Variants in PRKCA observed in about 807,000 individuals in gnomAD.
PRKCA encodes the protein protein kinase C alpha, also known as protein kinase C alpha type.
PRKCA carries 27 observed loss-of-function variants against 87.0 expected under a neutral mutation model. The observed-to-expected ratio is 0.31, with a 90% CI of 0.23 to 0.43. PRKCA has a LOEUF of 0.43. Among genes scored for constraint, PRKCA ranks in the 20% least tolerant of loss-of-function variants. PRKCA has a pLI of 1.00. For synonymous variants in PRKCA, 329 were observed against 311.1 expected (o/e 1.06, Z -0.61); for missense variants, 518 against 852.3 (o/e 0.61, Z 4.88).
intron 2 of PRKCA, among the ~76,000 whole-genome samples, chr17:66,336,925 G>A (rs879280663): frequency 6.6e-6 from 1 of 151,738 alleles, no homozygotes; most frequent in Non-Finnish European, 1.5e-5. Flanking sequence ...AGTAGCTGGG[G>A]TTACAGGCGC....
chr17:66,560,752 C>T (rs1968653551), intron 3 of PRKCA, among the ~76,000 whole-genome samples: 1 of 152,230 alleles, frequency 6.6e-6, no homozygotes, highest in African/African-American at 2.4e-5. Context: ...GAACTTAAGA[C>T]TATTACCAGC....
chr17:66,559,623 T>A (rs1428195767), intron 3 of PRKCA, among the ~76,000 whole-genome samples: 1 of 139,126 alleles, frequency 7.2e-6, no homozygotes, highest in Non-Finnish European at 1.5e-5. Context: ...ATAAGGCAAA[T>A]TTTTTTTTTA....
intron 5 of PRKCA, among the ~76,000 whole-genome samples, chr17:66,660,259 TG>T (rs1486090353): frequency 6.6e-6 from 1 of 152,180 alleles, no homozygotes; most frequent in Non-Finnish European, 1.5e-5. Context: ...TGGGTCCGTT[TG>T]GTGGGGGTCC....
At chr17:66,593,556 G>A (rs1345110186) in intron 3 of PRKCA, among the ~76,000 whole-genome samples, 1 of 152,206 alleles carries the variant, frequency 6.6e-6, no homozygotes, top group Admixed American at 6.5e-5. Flanking sequence ...TGAAACTTGG[G>A]GGTGGAGGGA....
intron 2 of PRKCA, among the ~76,000 whole-genome samples, chr17:66,307,311 A>G (rs1904871549): frequency 6.6e-6 from 1 of 152,214 alleles, no homozygotes; most frequent in South Asian, 2.1e-4. Flanking sequence ...ACCAGTCTCT[A>G]CAAAAGATGA....
intron 13 of PRKCA, among the ~76,000 whole-genome samples, chr17:66,744,204 T>A (rs1400122609): frequency 6.6e-6 from 1 of 152,176 alleles, no homozygotes; most frequent in Non-Finnish European, 1.5e-5. Flanking sequence ...CTGCATAACT[T>A]ACTGGGATTT....
intron 2 of PRKCA, among the ~76,000 whole-genome samples, chr17:66,395,459 A>G (rs1436619253): frequency 6.6e-6 from 1 of 152,176 alleles, no homozygotes; most frequent in Non-Finnish European, 1.5e-5. Context: ...TGTATTTTAT[A>G]CTTAGAGCAC....
intron 3 of PRKCA, among the ~76,000 whole-genome samples, chr17:66,629,859 C>T (rs1222125958): frequency 6.6e-6 from 1 of 151,966 alleles, no homozygotes; most frequent in Non-Finnish European, 1.5e-5. Flanking sequence ...ACACACATAC[C>T]CTCCTATACA....
intron 2 of PRKCA, among the ~76,000 whole-genome samples, chr17:66,420,206 T>C (rs1209304350): frequency 6.6e-6 from 1 of 152,072 alleles, no homozygotes; most frequent in Non-Finnish European, 1.5e-5. Flanking sequence ...AGACGGAGTT[T>C]CACCATGTTG....
At chr17:66,381,422 G>A (rs1194050340) in intron 2 of PRKCA, among the ~76,000 whole-genome samples, 1 of 152,202 alleles carries the variant, frequency 6.6e-6, no homozygotes, top group Non-Finnish European at 1.5e-5. Flanking sequence ...AATCCACCTG[G>A]TGGAAGGTTC....
intron 3 of PRKCA, among the ~76,000 whole-genome samples, chr17:66,518,467 T>G (rs1398163868): frequency 2.6e-5 from 4 of 152,220 alleles, no homozygotes; most frequent in Non-Finnish European, 4.4e-5. Flanking sequence ...TTAATAGTTT[T>G]TAGCTTTTAA....
At chr17:66,694,135 C>T (rs1482720416) in intron 8 of PRKCA, among the ~76,000 whole-genome samples, 4 of 152,090 alleles carry the variant, frequency 2.6e-5, no homozygotes, top group East Asian at 1.9e-4. Flanking sequence ...TGATCCTTCT[C>T]GATTCAATGG....
At position 66,731,899 on chromosome 17, in the gene PRKCA, C is replaced by T. The variant is rs1466573240; in HGVS notation, c.919-789C>T. ...CCCGCCCCCCGGTTCAAGCGATTCT[C>T]CTGCCTCAGCCTCCCACGTAGCTGG... On this transcript the variant is annotated intron_variant, in intron 8 of 16. Transcript: ENST00000413366. 5.4e-5 allele frequency among the ~76,000 whole-genome samples: 8 copies of T among 148,208 alleles called. No individual in the cohort carries two copies. The Admixed American group carries it at 5.4e-4, about 10-fold the overall frequency.
intron 8 of PRKCA, among the ~76,000 whole-genome samples, chr17:66,726,604 C>A (rs918194734): frequency 1.1e-4 from 16 of 151,962 alleles, no homozygotes; most frequent in Non-Finnish European, 7.4e-5. Flanking sequence ...GGGACCGAGG[C>A]GGAGGGAGTG....
At chr17:66,349,815 AGT>A (rs1254136284) in intron 2 of PRKCA, among the ~76,000 whole-genome samples, 1 of 152,062 alleles carries the variant, frequency 6.6e-6, no homozygotes, top group East Asian at 1.9e-4. Flanking sequence ...GGCTGCCTCC[AGT>A]GTCTCTTATT....
At chr17:66,522,670 A>G (rs990000154) in intron 3 of PRKCA, among the ~76,000 whole-genome samples, 1 of 152,142 alleles carries the variant, frequency 6.6e-6, no homozygotes, top group African/African-American at 2.4e-5. Context: ...GCATGCTTGC[A>G]GGAGGGAAGG....
At chr17:66,559,200 C>T (rs912465027) in intron 3 of PRKCA, among the ~76,000 whole-genome samples, 11 of 151,962 alleles carry the variant, frequency 7.2e-5, no homozygotes, top group East Asian at 3.9e-4. Context: ...AGGCCGGGCA[C>T]GGTGGCTCAT....
chr17:66,430,640 C>A (rs924344293), intron 2 of PRKCA, among the ~76,000 whole-genome samples: 1 of 152,060 alleles, frequency 6.6e-6, no homozygotes, highest in Non-Finnish European at 1.5e-5. Flanking sequence ...CCTTACAGAT[C>A]TTCCTCCATT....
intron 2 of PRKCA, among the ~76,000 whole-genome samples, chr17:66,417,960 G>A (rs1420862914): frequency 1.3e-5 from 2 of 152,156 alleles, no homozygotes; most frequent in African/African-American, 4.8e-5. Context: ...AATCTGCACA[G>A]CAATGTTGCA....
Sources: allele counts gnomAD v4.1 joint callset (sites outside exome capture counted in the v4.1 genomes callset), GRCh38; gene constraint gnomAD v4.1.1; transcripts MANE v1.5; gene names NCBI Gene and HGNC (gene_info 2026-07-23, HGNC 2026-07-21).